The following INPP4B variants were observed in gnomAD, a reference collection of about 807,000 sequenced individuals.
The protein encoded by INPP4B is inositol polyphosphate-4-phosphatase type II B, also known as inositol polyphosphate 4-phosphatase type II.
INPP4B carries 55 observed loss-of-function variants against 122.5 expected under a neutral mutation model. The observed-to-expected ratio is 0.45, with a 90% CI of 0.36 to 0.56. The LOEUF (loss-of-function observed/expected upper bound fraction) is 0.56, where lower values mean the gene tolerates loss of function less well. Ranked by LOEUF, INPP4B falls within the 20% of genes least tolerant of loss-of-function variation. The probability of loss-of-function intolerance (pLI) is 0.00; values close to 1 mark genes in which losing one functional copy is unlikely to be tolerated. For missense variants in INPP4B, 1,000 were observed against 1,097.7 expected (o/e 0.91, Z 1.26); for synonymous variants, 403 against 388.7 (o/e 1.04, Z -0.43).
chr4:142,030,225 C>A, intron 25 of INPP4B: 1 of 1,535,384 alleles, frequency 6.5e-7, no homozygotes, highest in Non-Finnish European at 8.7e-7. Flanking sequence ...ATAGAAGTGT[C>A]GAGAAGTTGG....
At chr4:142,432,507 T>C (rs1227466952) in intron 3 of INPP4B, among the ~76,000 whole-genome samples, 1 of 152,146 alleles carries the variant, frequency 6.6e-6, no homozygotes, top group Non-Finnish European at 1.5e-5. Context: ...AGAAGGCTAT[T>C]GCACCATCAA....
intron 1 of INPP4B, among the ~76,000 whole-genome samples, chr4:142,843,968 A>G (rs1367957411): frequency 1.3e-5 from 2 of 152,150 alleles, no homozygotes. Context: ...CCCTAAGCTT[A>G]ATGATTTTCC....
chr4:142,784,618 T>C (rs1775457436), intron 1 of INPP4B, among the ~76,000 whole-genome samples: 1 of 152,020 alleles, frequency 6.6e-6, no homozygotes, highest in South Asian at 2.1e-4. Flanking sequence ...GCAGGTTAGC[T>C]TGAGAGTGAG....
chr4:142,829,943 A>T (rs1008448947), intron 1 of INPP4B, among the ~76,000 whole-genome samples: 12 of 152,196 alleles, frequency 7.9e-5, no homozygotes, highest in African/African-American at 2.9e-4. Context: ...ATTTAATTTT[A>T]AAAATTATAC....
intron 9 of INPP4B, among the ~76,000 whole-genome samples, chr4:142,292,412 T>G (rs1017349079): frequency 1.3e-5 from 2 of 152,152 alleles, no homozygotes; most frequent in African/African-American, 4.8e-5. Flanking sequence ...GCCAAAAAAT[T>G]TAGTGTTAGT....
In INPP4B at chr4:142,636,049, G is replaced by A. The variant is rs551296700; in HGVS notation, c.-191+89790C>T. ...TTGAGATCACTGCATCATGGGGGCA[G>A]TTTCCCCCATGCAGTTCTAGTGGTA... On this transcript the variant is annotated intron_variant, in intron 2 of 25. Transcript: ENST00000262992. Among the ~76,000 whole-genome samples the A allele has an allele frequency of 1.5e-4, 23 of 152,182 alleles. No individual in the cohort carries two copies. In the South Asian group the frequency reaches 3.5e-3, roughly 23 times the overall value.
intron 18 of INPP4B, among the ~76,000 whole-genome samples, chr4:142,135,545 C>T (rs1803634124): frequency 6.6e-6 from 1 of 152,160 alleles, no homozygotes; most frequent in South Asian, 2.1e-4. Context: ...TTTGGAGGAA[C>T]ATATACTCTC....
At position 142,086,246 on chromosome 4, in the gene INPP4B, A is replaced by C; in HGVS notation, c.2385T>G (p.His795Gln). ...MEKMPPDYIS[H>Q]FQEQNDLKAL... Reference sequence around the variant, plus strand: ...CTTTTAAATCATTTTGTTCCTGAAAATGTGAAATATCTGAAGGGGAAAAAA... The same window carrying C: ...CTTTTAAATCATTTTGTTCCTGAAACTGTGAAATATCTGAAGGGGAAAAAA... The change falls in exon 24 of 26, where the codon CAT (histidine) becomes CAG (glutamine). Residue 795 changes from histidine (H) to glutamine (Q), a missense_variant. By Grantham distance (24) the His-to-Gln change is conservative (BLOSUM62 0). Coordinates refer to ENST00000262992, the MANE Select transcript of INPP4B (RefSeq NM_001101669.3). 6.5e-7 allele frequency: 1 copy of C among 1,530,004 alleles called. No homozygotes were observed. The highest frequency in any genetic ancestry group is 9.1e-7 in the Non-Finnish European group (1 of 1,103,682). The allele number at this position is 1,530,004 out of a possible 1,614,324, so 94.8% of individuals were successfully genotyped here. A position where few individuals can be genotyped will look rare whatever the true frequency, so the allele number is the denominator to read the frequency against.
At chr4:142,098,132 C>T (rs1209553944) in intron 23 of INPP4B, among the ~76,000 whole-genome samples, 1 of 151,878 alleles carries the variant, frequency 6.6e-6, no homozygotes, top group East Asian at 1.9e-4. Context: ...AGTGAGTGAC[C>T]TATAAGGGGG....
chr4:142,629,065 G>C (rs1440535616), intron 2 of INPP4B, among the ~76,000 whole-genome samples: 1 of 151,998 alleles, frequency 6.6e-6, no homozygotes, highest in African/African-American at 2.4e-5. Flanking sequence ...ATTTTGATGA[G>C]AGTATGCTGT....
chr4:142,804,199 G>C (rs551859868), intron 1 of INPP4B, among the ~76,000 whole-genome samples: 1 of 152,120 alleles, frequency 6.6e-6, no homozygotes, highest in Non-Finnish European at 1.5e-5. Flanking sequence ...TATAATAAAT[G>C]TATCACTTTA....
At chr4:142,159,920 T>G (rs1819262389) in intron 17 of INPP4B, among the ~76,000 whole-genome samples, 1 of 152,004 alleles carries the variant, frequency 6.6e-6, no homozygotes. Flanking sequence ...GATATCTATG[T>G]CTATTGTCGT....
chr4:142,827,682 ATATT>A (rs1781614690), intron 1 of INPP4B, among the ~76,000 whole-genome samples: 1 of 152,160 alleles, frequency 6.6e-6, no homozygotes, highest in Non-Finnish European at 1.5e-5. Context: ...TAAAATGAAA[ATATT>A]TATCCATTAT....
intron 2 of INPP4B, among the ~76,000 whole-genome samples, chr4:142,602,062 G>T (rs1168094049): frequency 6.6e-6 from 1 of 151,262 alleles, no homozygotes; most frequent in Non-Finnish European, 1.5e-5. Context: ...AAATACTAAG[G>T]ATCTACATCT....
At chr4:142,517,848 G>T (rs981420032) in intron 2 of INPP4B, among the ~76,000 whole-genome samples, 1 of 152,080 alleles carries the variant, frequency 6.6e-6, no homozygotes, top group African/African-American at 2.4e-5. Flanking sequence ...TTTCTATATT[G>T]AAAGTACAGA....
chr4:142,823,063 G>A (rs933621537), intron 1 of INPP4B, among the ~76,000 whole-genome samples: 4 of 152,074 alleles, frequency 2.6e-5, no homozygotes, highest in Admixed American at 2.0e-4. Context: ...TGACACACTG[G>A]CAGTAAAATG....
chr4:142,753,384 T>C (rs1457389633), intron 1 of INPP4B, among the ~76,000 whole-genome samples: 2 of 152,102 alleles, frequency 1.3e-5, no homozygotes, highest in East Asian at 3.9e-4. Flanking sequence ...TTGATATTGT[T>C]GGATTACTCA....
intron 14 of INPP4B, among the ~76,000 whole-genome samples, chr4:142,206,004 A>G (rs1842444262): frequency 6.6e-6 from 1 of 152,118 alleles, no homozygotes; most frequent in South Asian, 2.1e-4. Flanking sequence ...AATATAAATT[A>G]TTCTCTAACA....
At chr4:142,550,882 C>T (rs1727828016) in intron 2 of INPP4B, among the ~76,000 whole-genome samples, 1 of 152,052 alleles carries the variant, frequency 6.6e-6, no homozygotes, top group Admixed American at 6.6e-5. Context: ...TTCCAGTCTC[C>T]TCAAGTATAA....
Sources: allele counts gnomAD v4.1 joint callset (sites outside exome capture counted in the v4.1 genomes callset), GRCh38; gene constraint gnomAD v4.1.1; transcripts MANE v1.5; gene names NCBI Gene and HGNC (gene_info 2026-07-23, HGNC 2026-07-21).